FAM83G: variants seen among roughly 807,000 people sequenced by gnomAD.
FAM83G encodes scaffolding CK1 anchoring protein G, also known as protein FAM83G.
A neutral mutation model predicts 61.5 loss-of-function variants in FAM83G; 38 were observed. The observed-to-expected ratio is 0.62, with a 90% CI of 0.48 to 0.81. The LOEUF (loss-of-function observed/expected upper bound fraction) is 0.81. Ranked by LOEUF, FAM83G falls within the 30% of genes least tolerant of loss-of-function variation. The pLI is 0.00. For synonymous variants in FAM83G, 470 were observed against 476.1 expected, an observed-to-expected ratio of 0.99 and a Z score of 0.17; for missense variants, 989 against 1,133.6, an observed-to-expected ratio of 0.87 and a Z score of 1.83.
chr17:18,977,026 G>C (rs781271717), intron 5 of FAM83G: 2 of 1,605,850 alleles, frequency 1.2e-6, no homozygotes, highest in Non-Finnish European at 1.7e-6. Flanking sequence ...CAGGCTGCAG[G>C]GCACCCAGGG....
chr17:19,003,326 C>T lies in FAM83G; in HGVS notation c.522+194G>A, dbSNP rs1295744834. Among the ~76,000 whole-genome samples, 1 of 151,996 alleles carries T rather than the reference C, an allele frequency of 6.6e-6. No individual in the cohort carries two copies. The highest frequency in any genetic ancestry group is 1.9e-4 in the East Asian group (1 of 5,176). ...CTGTCACCTGCTAGGACCTGGGAAC[C>T]CTACCCTGCAAAGAAACTGCGGATC... On this transcript the variant is annotated intron_variant, in intron 2 of 5. Coordinates refer to ENST00000388995, the MANE Select transcript of FAM83G (RefSeq NM_001039999.3). The surrounding 1 kb of genome is among the most constrained non-coding windows in gnomAD (Gnocchi z 4.5).
intron 5 of FAM83G, chr17:18,976,755 A>T: frequency 6.7e-7 from 1 of 1,483,106 alleles, no homozygotes; most frequent in Non-Finnish European, 9.1e-7. Context: ...ATGGGACATC[A>T]TCGTGCCTCA....
rs140476562 is a variant in FAM83G, at chr17:18,996,946, C to T, written c.522+6574G>A. Among the ~76,000 whole-genome samples the T allele has an allele frequency of 5.9e-3, 906 of 152,316 alleles. 7 individuals carry two copies. Among genetic ancestry groups the T allele is most frequent in the African/African-American group, 0.02 (837 of 41,568 alleles). On this transcript the variant is annotated intron_variant, in intron 2 of 5. Coordinates refer to ENST00000388995, the MANE Select transcript of FAM83G (RefSeq NM_001039999.3). The surrounding 1 kb of genome is among the most constrained non-coding windows in gnomAD (Gnocchi z 4.4). ...CATGCCTTCCCTGGGTGGCCCATGG[C>T]GGGTCACTTCCCACTCTAAGCCTCA...
rs1567791337 is a variant in FAM83G at position 18,978,704 on chromosome 17, G to A, written c.962C>T (p.Pro321Leu). Residue 321 changes from proline to leucine, a missense_variant, in exon 5 of 6, where the codon CCG becomes CTG. By Grantham distance (98) the Pro-to-Leu change is moderately conservative. Around this residue, in one of 3 missense-constraint regions of FAM83G, gnomAD observed 44 missense variants for 83.9 expected, o/e 0.52. Coordinates refer to ENST00000388995, the MANE Select transcript of FAM83G (RefSeq NM_001039999.3). ...GGGCAGCACAATAGGCTCCGGCTCC[G>A]GTTCCTTCTCCATAGGGATGCCCTT... Reference protein sequence around the residue: ...SLKGIPMEKEPEPEPIVLPSV... With the variant: ...SLKGIPMEKELEPEPIVLPSV... 9 of 1,612,958 alleles carry A rather than the reference G, an allele frequency of 5.6e-6. No homozygotes were observed. Among genetic ancestry groups the A allele is most frequent in the South Asian group, 2.2e-5 (2 of 91,088 alleles).
chr17:19,004,736 A>C lies in FAM83G; in HGVS notation c.-156T>G, dbSNP rs954338721. The stretch of plus-strand genomic sequence containing the variant: ...AGCGGGCGCTGGCGGAGCGGGGCGC[A>C]CACGCGGCGGCTGCGGCGGCGGCGC... On this transcript the variant is annotated 5_prime_UTR_variant, in exon 1 of 6. Transcript: ENST00000388995. This position sits in a 1 kb window ranked among gnomAD's most constrained non-coding sequence, Gnocchi z 5.4. 3 of 150,178 alleles carry C rather than the reference A, an allele frequency of 2.0e-5. No homozygotes were observed. The highest frequency in any genetic ancestry group is 7.3e-5 in the African/African-American group (3 of 41,072). 9.3% of individuals were successfully genotyped at this position (150,178 alleles called of 1,614,324 possible). A position where few individuals can be genotyped will look rare whatever the true frequency, so the allele number is the denominator to read the frequency against.
intron 2 of FAM83G, among the ~76,000 whole-genome samples, chr17:18,998,695 C>G (rs903312564): frequency 1.3e-5 from 2 of 152,318 alleles, no homozygotes; most frequent in East Asian, 1.9e-4. Flanking sequence ...GGGAAGGGAG[C>G]CTTTGGAGCG....
chr17:18,973,884 GTTTTTTT>G (rs35778801), intron 5 of FAM83G, among the ~76,000 whole-genome samples: 127 of 95,726 alleles, frequency 1.3e-3, no homozygotes, highest in South Asian at 1.9e-3. Context: ...TTTTTTTTAA[GTTTTTTT>G]TTTTTTTTTT....
rs145793646 is a variant in FAM83G, at chr17:18,994,493, G to A, written c.523-6079C>T. On this transcript the variant is annotated intron_variant, in intron 2 of 5. Coordinates refer to ENST00000388995, the MANE Select transcript of FAM83G (RefSeq NM_001039999.3). Reference sequence around the variant, plus strand: ...AGAGGGTCCCCTGGAGTCTTCAGCTGATAGCCGAGCAGCACACGAACGTGA... The same window carrying A: ...AGAGGGTCCCCTGGAGTCTTCAGCTAATAGCCGAGCAGCACACGAACGTGA... Among the ~76,000 whole-genome samples the A allele has an allele frequency of 5.7e-3, 861 of 152,316 alleles. 7 individuals are homozygous for A. Among genetic ancestry groups the A allele is most frequent in the African/African-American group, 0.02 (811 of 41,556 alleles).
chr17:19,004,238 C>G lies in FAM83G; in HGVS notation c.-128-69G>C, dbSNP rs1472162122. On this transcript the variant is annotated intron_variant, in intron 1 of 5. Coordinates refer to ENST00000388995, the MANE Select transcript of FAM83G (RefSeq NM_001039999.3). This position sits in a 1 kb window ranked among gnomAD's most constrained non-coding sequence, Gnocchi z 5.4. Reference sequence around the variant, plus strand: ...GCCGCGCGGGGAGGGGCGGCGGGGGCGGGGCCGGGAACTCAGGTGGGCGTG... The same window carrying G: ...GCCGCGCGGGGAGGGGCGGCGGGGGGGGGGCCGGGAACTCAGGTGGGCGTG... 3.6e-4 allele frequency: 60 copies of G among 168,808 alleles called. No individual in the cohort carries two copies. The highest frequency in any genetic ancestry group is 8.5e-4 in the East Asian group (4 of 4,690). The allele number at this position is 168,808 out of a possible 1,614,324, so 10.5% of individuals were successfully genotyped here.
At chr17:19,001,128 T>G (rs1371984532) in intron 2 of FAM83G, among the ~76,000 whole-genome samples, 2 of 152,152 alleles carry the variant, frequency 1.3e-5, no homozygotes, top group African/African-American at 2.4e-5. Flanking sequence ...TAACACTAGC[T>G]GAGATTATAA....
chr17:18,985,636 CA>C (rs1196948936), intron 3 of FAM83G, among the ~76,000 whole-genome samples: 2 of 152,244 alleles, frequency 1.3e-5, no homozygotes, highest in Non-Finnish European at 2.9e-5. Context: ...GCTGGGCTCT[CA>C]GGGCCTCTGG....
rs191412288 is a variant in FAM83G at position 18,971,556 on chromosome 17, C to A, written c.2275G>T (p.Gly759Cys). Residue 759 changes from glycine (G) to cysteine (C), a missense_variant, in exon 6 of 6, where the codon GGC (glycine) becomes TGC (cysteine). By Grantham distance (159) the Gly-to-Cys change is radical (BLOSUM62 -3). Transcript: ENST00000388995. The surrounding 1 kb of genome is among the most constrained non-coding windows in gnomAD (Gnocchi z 5.5). ...GQVPRLLPDP[G>C]SPRLAQNARP... ...GCATTTTGGGCCAGTCTTGGGCTGC[C>A]GGGATCCGGAAGCAGGCGGGGTACC... is the stretch of plus-strand genomic sequence containing the variant. The A allele has an allele frequency of 3.4e-4, 542 of 1,613,816 alleles. No individual in the cohort carries two copies. The highest frequency in any genetic ancestry group is 9.9e-4 in the Middle Eastern group (6 of 6,062).
At position 18,969,082 on chromosome 17, in the gene FAM83G, C is replaced by A; in HGVS notation, c.*2277G>T. ...CCTGTACGCGGGGGCTCTGTTTGTG[C>A]ACATCTGCCTGGGCTGGAACTTCTA... On this transcript the variant is annotated 3_prime_UTR_variant, in exon 6 of 6. Transcript: ENST00000388995. The A allele has an allele frequency of 6.2e-7, 1 of 1,614,058 alleles. No homozygotes were observed. The highest frequency in any genetic ancestry group is 8.5e-7 in the Non-Finnish European group (1 of 1,179,976).
upstream of FAM83G, among the ~76,000 whole-genome samples, chr17:19,005,399 C>A (rs544521624): frequency 8.5e-5 from 13 of 152,290 alleles, no homozygotes; most frequent in Non-Finnish European, 2.9e-5. Flanking sequence ...GGGGTTGGGA[C>A]CCTGGTTATG....
Position 18,970,926 on chromosome 17 carries a change from T to C in FAM83G, c.*433A>G. On this transcript the variant is annotated 3_prime_UTR_variant, in exon 6 of 6. Coordinates refer to ENST00000388995, the MANE Select transcript of FAM83G (RefSeq NM_001039999.3). ...ACTCAAGTTTGATGCATCAGGAAGT[T>C]TCTTGTGAGATGAAGGCAGGGGGGA... 1 of 1,317,882 alleles carries C rather than the reference T, an allele frequency of 7.6e-7. No individual in the cohort carries two copies. Among genetic ancestry groups the C allele is most frequent in the Non-Finnish European group, 1.1e-6 (1 of 923,900 alleles). 81.6% of individuals were successfully genotyped at this position (1,317,882 alleles called of 1,614,324 possible).
rs1331791684 is a variant in FAM83G, at chr17:19,003,962, TAGA to T, written c.77_79del (p.Phe26del). On this transcript the variant is annotated inframe_deletion, in exon 2 of 6. Coordinates refer to ENST00000388995, the MANE Select transcript of FAM83G (RefSeq NM_001039999.3). This position sits in a 1 kb window ranked among gnomAD's most constrained non-coding sequence, Gnocchi z 4.5. ...CAGCGCCAGCCGCTGCTCCTCGCTG[TAGA>T]AGAACTCAGGCTTGGACTCGCTGGA... 3.1e-6 allele frequency: 5 copies of T among 1,612,878 alleles called. No individual in the cohort carries two copies. Among genetic ancestry groups the T allele is most frequent in the Non-Finnish European group, 4.2e-6 (5 of 1,179,920 alleles).
At position 18,971,992 on chromosome 17, in the gene FAM83G, C is replaced by T. The variant is rs1434076762; in HGVS notation, c.2083-244G>A. Among the ~76,000 whole-genome samples, 3 of 152,192 alleles carry T rather than the reference C, an allele frequency of 2.0e-5. No homozygotes were observed. The highest frequency in any genetic ancestry group is 4.8e-5 in the African/African-American group (2 of 41,450). On this transcript the variant is annotated intron_variant, in intron 5 of 5. Transcript: ENST00000388995. This position sits in a 1 kb window ranked among gnomAD's most constrained non-coding sequence, Gnocchi z 5.5. ...AGGCAGCTTCCTCCCAGCTCACCCC[C>T]GCAGCCTCCTCTATTCCGACACAGG...
chr17:19,005,126 T>C (rs2043848094), upstream of FAM83G, among the ~76,000 whole-genome samples: 1 of 151,880 alleles, frequency 6.6e-6, no homozygotes, highest in Non-Finnish European at 1.5e-5. Flanking sequence ...GCTGTATAGA[T>C]ACCCAGCTGT....
rs907359190 is a variant in FAM83G, at chr17:18,969,518, G to A, written c.*1841C>T. The stretch of plus-strand genomic sequence containing the variant: ...GCACTGTGCAGGATTCATGCCGTTG[G>A]GGTTCTGGGTAGCATCGCTGGGAGT... On this transcript the variant is annotated 3_prime_UTR_variant, in exon 6 of 6. Transcript: ENST00000388995. 8.3e-7 allele frequency: 1 copy of A among 1,204,456 alleles called. No homozygotes were observed. Among genetic ancestry groups the A allele is most frequent in the Non-Finnish European group, 1.2e-6 (1 of 839,506 alleles). The allele number at this position is 1,204,456 out of a possible 1,614,324, so 74.6% of individuals were successfully genotyped here.
Sources: gnomAD v4.1 joint callset for allele counts (sites outside exome capture counted in the v4.1 genomes callset) on GRCh38, gnomAD v4.1.1 for gene constraint, gnomAD v4.1.1 regional missense constraint, Gnocchi (gnomAD v3.1) non-coding constraint, MANE v1.5 for transcripts, NCBI Gene and HGNC (gene_info 2026-07-23, HGNC 2026-07-21) for gene names.